The following FARS2 variants were observed in gnomAD, a reference collection of about 807,000 sequenced individuals.
The protein encoded by FARS2 is phenylalanine--tRNA ligase, mitochondrial.
A neutral mutation model predicts 46.4 loss-of-function variants in FARS2; 40 were observed. The observed-to-expected ratio is 0.86, with a 90% CI of 0.67 to 1.12. The LOEUF (loss-of-function observed/expected upper bound fraction) is 1.12, where lower values mean the gene tolerates loss of function less well. FARS2 is among the 50% of genes most tolerant of loss of function. The probability of loss-of-function intolerance (pLI) is 0.00; values close to 1 mark genes in which losing one functional copy is unlikely to be tolerated. For missense variants in FARS2, 513 were observed against 567.9 expected, an observed-to-expected ratio of 0.90 and a Z score of 0.98; for synonymous variants, 234 against 214.9, an observed-to-expected ratio of 1.09 and a Z score of -0.78.
chr6:5,415,390 C>T (rs1762180322), intron 3 of FARS2, among the ~76,000 whole-genome samples: 1 of 141,770 alleles, frequency 7.1e-6, no homozygotes, highest in Non-Finnish European at 1.5e-5. Flanking sequence ...TCTCAGCTCA[C>T]TGCAACCTCC....
At chr6:5,696,842 T>A (rs1236837293) in intron 6 of FARS2, among the ~76,000 whole-genome samples, 1 of 152,186 alleles carries the variant, frequency 6.6e-6, no homozygotes, top group Non-Finnish European at 1.5e-5. Context: ...GGGCCCTGTT[T>A]GCAAGAAGCA....
intron 3 of FARS2, among the ~76,000 whole-genome samples, chr6:5,420,415 A>G (rs1274575829): frequency 1.3e-5 from 2 of 152,212 alleles, no homozygotes; most frequent in Non-Finnish European, 2.9e-5. Flanking sequence ...GAGACAGGGC[A>G]AGTCATTTTT....
At chr6:5,376,960 G>A (rs532504284) in intron 2 of FARS2, among the ~76,000 whole-genome samples, 2 of 152,298 alleles carry the variant, frequency 1.3e-5, no homozygotes, top group East Asian at 1.9e-4. Context: ...ATGAGATCAG[G>A]CATCATATCA....
chr6:5,517,403 AG>A (rs1768872054), intron 4 of FARS2, among the ~76,000 whole-genome samples: 1 of 152,174 alleles, frequency 6.6e-6, no homozygotes, highest in East Asian at 1.9e-4. Flanking sequence ...ACTTGAGTTC[AG>A]GAGTTTGAAA....
intron 5 of FARS2, among the ~76,000 whole-genome samples, chr6:5,546,891 A>T (rs1030274569): frequency 1.3e-5 from 2 of 151,876 alleles, no homozygotes; most frequent in South Asian, 2.1e-4. Flanking sequence ...CATCCATTTC[A>T]TCCATTCTTC....
chr6:5,491,877 T>G (rs539698189), intron 4 of FARS2, among the ~76,000 whole-genome samples: 9 of 152,218 alleles, frequency 5.9e-5, no homozygotes, highest in Non-Finnish European at 1.0e-4. Context: ...AGCAGAATTT[T>G]CATAACACCT....
the FARS2 span, among the ~76,000 whole-genome samples, chr6:5,253,161 T>G: frequency 2.0e-5 from 3 of 152,238 alleles, no homozygotes; most frequent in Non-Finnish European, 4.4e-5. Context: ...AAATATCTGA[T>G]GAAGAATTAG....
At chr6:5,544,233 G>A (rs1415911942) in intron 4 of FARS2, among the ~76,000 whole-genome samples, 2 of 152,138 alleles carry the variant, frequency 1.3e-5, no homozygotes, top group African/African-American at 2.4e-5. Flanking sequence ...CTCTCCAATC[G>A]GCCAAGATGG....
chr6:5,376,399 G>C (rs1759383272), intron 2 of FARS2, among the ~76,000 whole-genome samples: 1 of 152,152 alleles, frequency 6.6e-6, no homozygotes, highest in African/African-American at 2.4e-5. Flanking sequence ...CAAAGGCCTA[G>C]AGGAACTGTC....
chr6:5,659,083 G>T (rs576093757), intron 6 of FARS2, among the ~76,000 whole-genome samples: 35 of 152,196 alleles, frequency 2.3e-4, no homozygotes, highest in African/African-American at 7.2e-4. Context: ...TATGACTTGC[G>T]GTATGGAAGG....
intron 6 of FARS2, among the ~76,000 whole-genome samples, chr6:5,686,363 ACG>A (rs1757218134): frequency 2.1e-5 from 3 of 143,586 alleles, no homozygotes; most frequent in African/African-American, 8.5e-5. Context: ...TGCCCACACC[ACG>A]CAACAGGCCC....
intron 4 of FARS2, among the ~76,000 whole-genome samples, chr6:5,539,782 A>G (rs1014010653): frequency 1.3e-5 from 2 of 152,150 alleles, no homozygotes; most frequent in African/African-American, 4.8e-5. Context: ...GGCCATTTCA[A>G]ATGCGAAAAA....
At chr6:5,492,755 C>G (rs1370499304) in intron 4 of FARS2, among the ~76,000 whole-genome samples, 1 of 152,190 alleles carries the variant, frequency 6.6e-6, no homozygotes, top group Non-Finnish European at 1.5e-5. Flanking sequence ...CCAGGGAGTC[C>G]CAGTTGCAGA....
Position 5,461,398 on chromosome 6 carries a change from A to AT in FARS2, c.904+30233dup, listed in dbSNP as rs1221134345. On this transcript the variant is annotated intron_variant, in intron 4 of 6. Transcript: ENST00000274680. ...CCAGTTTTTCTCCCTGGGACTTAAC[A>AT]TTTTTTTAATAGCTTATTGAGGAAA... Among the ~76,000 whole-genome samples the AT allele has an allele frequency of 2.6e-5, 4 of 152,020 alleles. No individual in the cohort carries two copies. The South Asian group carries it at 8.3e-4, about 32-fold the overall frequency.
intron 2 of FARS2, among the ~76,000 whole-genome samples, chr6:5,383,879 T>C (rs1438975813): frequency 6.6e-6 from 1 of 152,188 alleles, no homozygotes; most frequent in Non-Finnish European, 1.5e-5. Context: ...ATGGGGCCTT[T>C]GTCCTGTTAT....
chr6:5,716,497 A>G (rs73718366), intron 6 of FARS2, among the ~76,000 whole-genome samples: 5,088 of 152,268 alleles, frequency 0.033, 263 homozygotes, highest in African/African-American at 0.11. Context: ...GGCCAGATGT[A>G]CAGGGATTTC....
At chr6:5,250,302 C>T in the FARS2 span, among the ~76,000 whole-genome samples, 1 of 152,012 alleles carries the variant, frequency 6.6e-6, no homozygotes, top group Non-Finnish European at 1.5e-5. Context: ...TTGTAAACTA[C>T]AGTCAATAAA....
chr6:5,726,506 A>T (rs958624090), intron 6 of FARS2, among the ~76,000 whole-genome samples: 1 of 152,260 alleles, frequency 6.6e-6, no homozygotes, highest in Non-Finnish European at 1.5e-5. Flanking sequence ...CCGTAAAGAA[A>T]CACAGATAAA....
intron 6 of FARS2, among the ~76,000 whole-genome samples, chr6:5,632,656 T>A (rs1776352538): frequency 7.0e-6 from 1 of 142,370 alleles, no homozygotes; most frequent in East Asian, 2.4e-4. Context: ...CTTCCTTCCT[T>A]CCTCCCCTTT....
Sources: allele counts gnomAD v4.1 joint callset (sites outside exome capture counted in the v4.1 genomes callset), GRCh38; gene constraint gnomAD v4.1.1; transcripts MANE v1.5; gene names NCBI Gene and HGNC (gene_info 2026-07-23, HGNC 2026-07-21).